The following DHX9 variants were observed in gnomAD, a reference collection of about 807,000 sequenced individuals.
DHX9 encodes DExH-box helicase 9, also known as ATP-dependent RNA helicase A.
In DHX9, 27 loss-of-function variants were observed where a neutral mutation model predicts 148.7. The ratio of observed to expected loss-of-function variants is 0.18; its 90% CI spans 0.13 to 0.25. The LOEUF (loss-of-function observed/expected upper bound fraction) is 0.25, where lower values mean the gene tolerates loss of function less well. Ranked by LOEUF, DHX9 falls within the 10% of genes least tolerant of loss-of-function variation. The pLI is 1.00. For synonymous variants in DHX9, 529 were observed against 516.6 expected, an observed-to-expected ratio of 1.02 and a Z score of -0.33; for missense variants, 796 against 1,559.6, an observed-to-expected ratio of 0.51 and a Z score of 8.25.
Position 182,883,177 on chromosome 1 carries a change from G to A in DHX9, c.2953G>A (p.Asp985Asn), listed in dbSNP as rs1649167546. The change falls in exon 25 of 28, where the codon GAT becomes AAT. Residue 985 changes from aspartate to asparagine, a missense_variant. Transcript: ENST00000367549. The stretch of plus-strand genomic sequence containing the variant: ...ACAAGTGTTTACTAACACTGGACCA[G>A]ATAATAATTTGGATGTTGTTATCTC... ...LTQVFTNTGP[D>N]NNLDVVISLL... 6.2e-7 allele frequency: 1 copy of A among 1,614,106 alleles called. No homozygotes were observed. The highest frequency in any genetic ancestry group is 8.5e-7 in the Non-Finnish European group (1 of 1,179,964).
At chr1:182,861,677 C>A (rs1668366436) in intron 12 of DHX9, among the ~76,000 whole-genome samples, 1 of 152,198 alleles carries the variant, frequency 6.6e-6, no homozygotes, top group Non-Finnish European at 1.5e-5. Context: ...GTGAGAAGTG[C>A]TTTGTCTCAC....
intron 6 of DHX9, 108 bp downstream of exon 6, chr1:182,854,286 AGAATT>A: frequency 9.8e-7 from 1 of 1,019,854 alleles, no homozygotes; most frequent in African/African-American, 1.6e-5. Flanking sequence ...TGTGTGGATT[AGAATT>A]GAATTGTTAA....
intron 21 of DHX9, 84 bp downstream of exon 21, chr1:182,879,494 C>CT: frequency 7.9e-7 from 1 of 1,263,838 alleles, no homozygotes. Context: ...ACAAATGAAT[C>CT]AAGATGATGA....
In DHX9 at chr1:182,872,712, G is replaced by A. The variant is rs188162976; in HGVS notation, c.1714+219G>A. Among the ~76,000 whole-genome samples, 5 of 152,306 alleles carry A rather than the reference G, an allele frequency of 3.3e-5. No homozygotes were observed. In the East Asian group the frequency reaches 9.6e-4, roughly 29 times the overall value. ...AGACCAGGTTTCATTTACTACTTGA[G>A]TAGTTTGCATATGCAGTAAGTTTCC... On this transcript the variant is annotated intron_variant, in intron 15 of 27. Transcript: ENST00000367549.
At chr1:182,876,958 TTA>T in intron 19 of DHX9, 55 bp downstream of exon 19, 7 of 1,316,470 alleles carry the variant, frequency 5.3e-6, no homozygotes, top group Non-Finnish European at 7.6e-6. Context: ...TGGAAACTTC[TTA>T]CCAGTTAACA....
intron 27 of DHX9, 127 bp downstream of exon 27, chr1:182,884,940 A>ATC: frequency 1.3e-6 from 1 of 790,764 alleles, no homozygotes; most frequent in Non-Finnish European, 2.0e-6. Flanking sequence ...ATAGAGCTAT[A>ATC]TAGATAGAGA....
chr1:182,875,405 C>T (rs896893538), intron 16 of DHX9, among the ~76,000 whole-genome samples: 1 of 152,162 alleles, frequency 6.6e-6, no homozygotes, highest in Non-Finnish European at 1.5e-5. Flanking sequence ...GAAACAGCAG[C>T]TATAGCTTTA....
At chr1:182,869,359 G>A (rs1254913808) in intron 14 of DHX9, among the ~76,000 whole-genome samples, 2 of 152,112 alleles carry the variant, frequency 1.3e-5, no homozygotes, top group Non-Finnish European at 2.9e-5. Context: ...GTCCTGTCTG[G>A]TCTAATCTAG....
chr1:182,842,387 A>G (rs1667949006), intron 1 of DHX9, among the ~76,000 whole-genome samples, 158 bp from the exon 2 acceptor site: 1 of 142,626 alleles, frequency 7.0e-6, no homozygotes, highest in African/African-American at 2.9e-5. Context: ...CTTACAACAT[A>G]TAAACGTTCC....
chr1:182,887,820 T>C lies in DHX9; in HGVS notation c.*386T>C, dbSNP rs1347387927. ...TTACAATGCCAGCTACATCTGTTGA[T>C]TTTAAATGTCAGAGAAGTTGTACCC... On this transcript the variant is annotated 3_prime_UTR_variant, in exon 28 of 28. Transcript: ENST00000367549. 1 of 190,952 alleles carries C rather than the reference T, an allele frequency of 5.2e-6. No individual in the cohort carries two copies. The highest frequency in any genetic ancestry group is 2.3e-5 in the African/African-American group (1 of 42,850). 11.8% of individuals were successfully genotyped at this position (190,952 alleles called of 1,614,324 possible).
intron 3 of DHX9, among the ~76,000 whole-genome samples, chr1:182,845,534 C>T (rs1268022436): frequency 6.6e-6 from 1 of 152,024 alleles, no homozygotes; most frequent in Non-Finnish European, 1.5e-5. Flanking sequence ...TTCCACACAC[C>T]CCAAGCAAGC....
Position 182,856,575 on chromosome 1 carries a change from A to G in DHX9, c.670A>G (p.Arg224Gly), listed in dbSNP as rs1327970494. The change falls in exon 7 of 28, where the codon AGA (arginine) becomes GGA (glycine). Residue 224 changes from arginine (R) to glycine (G), a missense_variant. This residue lies in a region of DHX9 where 46 missense variants were observed against 136.3 expected (regional missense o/e 0.34). Coordinates refer to ENST00000367549, the MANE Select transcript of DHX9 (RefSeq NM_001357.5). ...EMTIYIKQLG[R>G]RIFAREHGSN... ...GACCATTTATATCAAGCAGCTGGGC[A>G]GAAGTAAGTGTTACTGTTTCCCCAA... 6.2e-7 allele frequency: 1 copy of G among 1,613,824 alleles called. No homozygotes were observed. The highest frequency in any genetic ancestry group is 8.5e-7 in the Non-Finnish European group (1 of 1,179,844).
intron 3 of DHX9, among the ~76,000 whole-genome samples, chr1:182,851,339 A>G (rs1668145672): frequency 6.6e-6 from 1 of 152,204 alleles, no homozygotes; most frequent in African/African-American, 2.4e-5. Context: ...CTAAGTGAAA[A>G]TTTTAAATTA....
At chr1:182,879,118 T>TC in intron 20 of DHX9, 132 bp from the exon 21 acceptor site, 1 of 675,384 alleles carries the variant, frequency 1.5e-6, no homozygotes, top group Non-Finnish European at 2.3e-6. Flanking sequence ...CGATAAAAGG[T>TC]CCGATGGTAA....
Position 182,883,645 on chromosome 1 carries a change from T to G in DHX9, c.3260+10T>G, listed in dbSNP as rs1409108635. 6.3e-7 allele frequency: 1 copy of G among 1,585,478 alleles called. No homozygotes were observed. Among genetic ancestry groups the G allele is most frequent in the South Asian group, 1.1e-5 (1 of 90,250 alleles). On this transcript the variant is annotated intron_variant, in intron 26 of 27. Transcript: ENST00000367549. The stretch of plus-strand genomic sequence containing the variant: ...TGCTTGTAGATGACTGGTATGGATT[T>G]TCAGATGTGAACTCCAAACTGAATT...
At chr1:182,867,212 T>C (rs1026829137) in intron 14 of DHX9, among the ~76,000 whole-genome samples, 169 bp downstream of exon 14, 4 of 152,224 alleles carry the variant, frequency 2.6e-5, no homozygotes, top group African/African-American at 4.8e-5. Context: ...CAATCTTTTT[T>C]TTCTTTATTG....
intron 21 of DHX9, among the ~76,000 whole-genome samples, chr1:182,880,171 A>AT (rs1649023958): frequency 1.3e-5 from 2 of 152,234 alleles, no homozygotes; most frequent in South Asian, 4.1e-4. Context: ...TTTTTAAAAC[A>AT]TTAACAGCTG....
Position 182,843,289 on chromosome 1 carries a change from T to A in DHX9, c.112-5T>A, listed in dbSNP as rs543442891. On this transcript the variant is annotated splice_region_variant and splice_polypyrimidine_tract_variant and intron_variant, in intron 2 of 27. Transcript: ENST00000367549. ...GTCTCTTAGTACTTTTTTTTTTTTTTAAAGGTTCAGGTGGAAGGTTATAAT... is the reference window on the plus strand; with the variant it reads ...GTCTCTTAGTACTTTTTTTTTTTTTAAAAGGTTCAGGTGGAAGGTTATAAT... The A allele has an allele frequency of 3.0e-5, 46 of 1,530,056 alleles. No individual in the cohort carries two copies. Among genetic ancestry groups the A allele is most frequent in the African/African-American group, 1.3e-4 (9 of 70,688 alleles). 94.8% of individuals were successfully genotyped at this position (1,530,056 alleles called of 1,614,324 possible).
At chr1:182,879,534 TAGTA>T (rs772549622) in intron 21 of DHX9, 124 bp downstream of exon 21, 30 of 862,232 alleles carry the variant, frequency 3.5e-5, no homozygotes, top group Non-Finnish European at 4.5e-5. Flanking sequence ...GTGATAATAA[TAGTA>T]AGGCCTCCAG....
Sources: gnomAD v4.1 joint callset for allele counts (sites outside exome capture counted in the v4.1 genomes callset) on GRCh38, gnomAD v4.1.1 for gene constraint, gnomAD v4.1.1 regional missense constraint, MANE v1.5 for transcripts, NCBI Gene and HGNC (gene_info 2026-07-23, HGNC 2026-07-21) for gene names.